The following IQCK variants were observed in gnomAD, a reference collection of about 807,000 sequenced individuals.
IQCK encodes IQ domain-containing protein K.
Under a neutral mutation model 28.1 loss-of-function variants are expected in IQCK, and 29 were observed. That is an observed-to-expected ratio of 1.03 (90% confidence interval 0.77 to 1.41). IQCK has a LOEUF of 1.41. IQCK is among the 40% of genes most tolerant of loss of function. The pLI, the probability that IQCK is intolerant of heterozygous loss-of-function variation, is 0.00. For synonymous variants in IQCK, 113 were observed against 115.1 expected (o/e 0.98, Z 0.12); for missense variants, 359 against 314.7 (o/e 1.14, Z -1.07).
At chr16:19,828,255 A>T (rs1381172241), downstream of IQCK, among the ~76,000 whole-genome samples, 1 of 94,264 alleles carries the variant, frequency 1.1e-5, no homozygotes, top group South Asian at 3.6e-4. Flanking sequence ...TTTTTTTGAG[A>T]TGGAGTCTCG....
At chr16:19,834,655 T>A (rs538735575) in intron 9 of IQCK, among the ~76,000 whole-genome samples, 4 of 152,276 alleles carry the variant, frequency 2.6e-5, no homozygotes, top group Non-Finnish European at 4.4e-5. Context: ...TACATGAGTG[T>A]TTTGGGGAGA....
At chr16:19,751,020 C>A (rs2054979429) in intron 4 of IQCK, among the ~76,000 whole-genome samples, 1 of 151,994 alleles carries the variant, frequency 6.6e-6, no homozygotes, top group African/African-American at 2.4e-5. Flanking sequence ...GGGCTTGAAT[C>A]TCTCCTTCAG....
intron 6 of IQCK, among the ~76,000 whole-genome samples, chr16:19,778,269 C>T (rs1474945848): frequency 6.6e-6 from 1 of 152,174 alleles, no homozygotes; most frequent in African/African-American, 2.4e-5. Context: ...TTCCTTGTGA[C>T]TGGCATCTGT....
rs537940225 is a variant in IQCK at position 19,759,954 on chromosome 16, G to A, written c.475-3894G>A. On this transcript the variant is annotated intron_variant, in intron 4 of 7. Transcript: ENST00000564186. ...AGCCTGGGCAACAGAGTGAGACCCC[G>A]TCTCTACAGAAAGTTTTAAAAGTAT... 2.0e-3 allele frequency among the ~76,000 whole-genome samples: 303 copies of A among 151,972 alleles called. 4 individuals are homozygous for A. Among genetic ancestry groups the A allele is most frequent in the Non-Finnish European group, 3.5e-3 (240 of 67,968 alleles).
intron 4 of IQCK, among the ~76,000 whole-genome samples, chr16:19,762,496 T>C (rs1260082018): frequency 1.3e-5 from 2 of 152,144 alleles, no homozygotes; most frequent in African/African-American, 2.4e-5. Context: ...TGTCAGAAAA[T>C]GTGCTTATTG....
chr16:19,808,559 A>C (rs2055861217), intron 7 of IQCK, among the ~76,000 whole-genome samples: 1 of 152,204 alleles, frequency 6.6e-6, no homozygotes, highest in Non-Finnish European at 1.5e-5. Flanking sequence ...CGTGAGGCTG[A>C]TAATAATAAG....
chr16:19,723,322 T>G (rs1040500003), intron 1 of IQCK, among the ~76,000 whole-genome samples: 1 of 152,192 alleles, frequency 6.6e-6, no homozygotes, highest in Non-Finnish European at 1.5e-5. Flanking sequence ...CTCCTTAGCT[T>G]AACCCTTAAG....
intron 7 of IQCK, among the ~76,000 whole-genome samples, chr16:19,823,552 G>A (rs909541346): frequency 3.3e-5 from 5 of 152,268 alleles, no homozygotes; most frequent in African/African-American, 1.2e-4. Context: ...CACTGACCGG[G>A]GCATGTGGCA....
At chr16:19,761,138 C>A (rs963218117) in intron 4 of IQCK, 24 of 288,406 alleles carry the variant, frequency 8.3e-5, no homozygotes, top group Middle Eastern at 1.4e-3. Context: ...AATGCCTTAA[C>A]CGTCTGGGAA....
chr16:19,805,301 C>G (rs575994653), intron 7 of IQCK, among the ~76,000 whole-genome samples: 9 of 152,264 alleles, frequency 5.9e-5, no homozygotes, highest in African/African-American at 2.2e-4. Context: ...CTGCCTAGAT[C>G]TCCTGTGCAA....
At chr16:19,820,256 G>A (rs2056051922) in intron 7 of IQCK, among the ~76,000 whole-genome samples, 1 of 152,184 alleles carries the variant, frequency 6.6e-6, no homozygotes, top group African/African-American at 2.4e-5. Flanking sequence ...GCTCAAGTCT[G>A]TAGTAATCCT....
At chr16:19,732,445 G>A (rs1322283032) in intron 2 of IQCK, among the ~76,000 whole-genome samples, 2 of 152,126 alleles carry the variant, frequency 1.3e-5, no homozygotes, top group Non-Finnish European at 2.9e-5. Context: ...TCGGTATTTT[G>A]GGATTGGGCG....
exon 10 of IQCK, chr16:19,857,282 C>G: frequency 3.0e-6 from 1 of 337,686 alleles, no homozygotes; most frequent in East Asian, 9.6e-5. Flanking sequence ...TTTTGACAAG[C>G]TACCACACGT....
At chr16:19,829,447 A>G (rs1186250235), downstream of IQCK, among the ~76,000 whole-genome samples, 1 of 150,822 alleles carries the variant, frequency 6.6e-6, no homozygotes, top group African/African-American at 2.4e-5. Flanking sequence ...AGCGATTCTC[A>G]TGCCTCAGCC....
At chr16:19,744,465 A>G (rs932536997) in intron 4 of IQCK, among the ~76,000 whole-genome samples, 3 of 152,154 alleles carry the variant, frequency 2.0e-5, no homozygotes, top group Non-Finnish European at 4.4e-5. Context: ...TAAATGCTCA[A>G]TGTAAAATTC....
chr16:19,827,025 G>C lies in IQCK; in HGVS notation c.691-1G>C. 1 of 1,610,236 alleles carries C rather than the reference G, an allele frequency of 6.2e-7. No homozygotes were observed. The highest frequency in any genetic ancestry group is 8.5e-7 in the Non-Finnish European group (1 of 1,176,400). ...ACTAAAGTTTTACTGGGATTTTCCA[G>C]GTTCGCTGTGATCCTGAGATTCAAG... On this transcript the variant is annotated splice_acceptor_variant, in intron 7 of 7. Transcript: ENST00000564186. LOFTEE classifies it high-confidence loss of function.
intron 7 of IQCK, among the ~76,000 whole-genome samples, chr16:19,820,305 T>A (rs2056052948): frequency 6.6e-6 from 1 of 152,024 alleles, no homozygotes; most frequent in Non-Finnish European, 1.5e-5. Context: ...TCGCTTGAGG[T>A]CAGGAGTTCG....
Position 19,726,846 on chromosome 16 carries a change from C to T in IQCK, c.182-3584C>T, listed in dbSNP as rs1053843337. Among the ~76,000 whole-genome samples, 3 of 152,000 alleles carry T rather than the reference C, an allele frequency of 2.0e-5. No individual in the cohort carries two copies. The South Asian group carries it at 6.2e-4, about 32-fold the overall frequency. On this transcript the variant is annotated intron_variant, in intron 1 of 7. Coordinates refer to ENST00000564186, the Ensembl canonical transcript of IQCK. Reference sequence around the variant, plus strand: ...CATATAGCCTATTAGAAAAGATAGTCATTAATGCCGGGCATGCTGGCTGAA... The same window carrying T: ...CATATAGCCTATTAGAAAAGATAGTTATTAATGCCGGGCATGCTGGCTGAA...
At chr16:19,724,592 G>T (rs1042897752) in intron 1 of IQCK, among the ~76,000 whole-genome samples, 7 of 151,926 alleles carry the variant, frequency 4.6e-5, no homozygotes, top group African/African-American at 1.7e-4. Flanking sequence ...GCAGTGGTGC[G>T]ATCTCGGCTC....
Sources: gnomAD v4.1 joint callset for allele counts (sites outside exome capture counted in the v4.1 genomes callset) on GRCh38, gnomAD v4.1.1 for gene constraint, MANE v1.5 for transcripts, NCBI Gene and HGNC (gene_info 2026-07-23, HGNC 2026-07-21) for gene names.